Variants in SYMPK observed in about 807,000 individuals in gnomAD.
SYMPK encodes symplekin.
Under a neutral mutation model 136.4 loss-of-function variants are expected in SYMPK, and 49 were observed. That is an observed-to-expected ratio of 0.36 (90% CI 0.29 to 0.46). The LOEUF is 0.46. Ranked by LOEUF, SYMPK falls within the 20% of genes least tolerant of loss-of-function variation. The pLI is 1.00. For missense variants in SYMPK, 1,365 were observed against 1,690.0 expected (o/e 0.81, Z 3.37); for synonymous variants, 766 against 713.0 (o/e 1.07, Z -1.19).
chr19:45,835,017 G>A (rs1216706635), intron 11 of SYMPK, 61 bp downstream of exon 11: 4 of 1,427,150 alleles, frequency 2.8e-6, no homozygotes, highest in Non-Finnish European at 3.7e-6. Flanking sequence ...CTTCCAGTAA[G>A]GAGAACCCAG....
chr19:45,820,871 G>T, intron 22 of SYMPK: 1 of 505,486 alleles, frequency 2.0e-6, no homozygotes, highest in Non-Finnish European at 3.5e-6. Context: ...CAGGCCTGTA[G>T]GCGTTCAGGG....
intron 20 of SYMPK, 109 bp downstream of exon 20, chr19:45,823,263 C>T (rs1294363257): frequency 8.9e-7 from 1 of 1,124,970 alleles, no homozygotes; most frequent in Non-Finnish European, 1.3e-6. Context: ...GCCTTCTGCC[C>T]TCTGCTATGT....
At position 45,815,591 on chromosome 19, in the gene SYMPK, G is replaced by A. The variant is rs779823965; in HGVS notation, c.3794C>T (p.Ala1265Val). ...GTTCCCCTTGGCCTCGGGTTCCCTGGCGTCCTCGGCAGCCGGGCTGGGAGT... is the reference window on the plus strand; with the variant it reads ...GTTCCCCTTGGCCTCGGGTTCCCTGACGTCCTCGGCAGCCGGGCTGGGAGT... ...MKTPSPAAED[A>V]REPEAKGNS The change falls in exon 27 of 27, where the codon GCC (alanine) becomes GTC (valine). Residue 1265 changes from alanine to valine, a missense_variant. Physicochemically the swap from Ala to Val is moderately conservative, Grantham distance 64 (BLOSUM62 0). This residue lies in a region of SYMPK where 341 missense variants were observed against 270.5 expected (regional missense o/e 1.26). Coordinates refer to ENST00000245934, the MANE Select transcript of SYMPK (RefSeq NM_004819.3). 19 of 1,601,294 alleles carry A rather than the reference G, an allele frequency of 1.2e-5. No individual in the cohort carries two copies. The Admixed American group carries it at 3.1e-4, about 26-fold the overall frequency.
intron 24 of SYMPK, 42 bp from the exon 25 acceptor site, chr19:45,816,619 C>G: frequency 2.5e-6 from 4 of 1,611,238 alleles, no homozygotes; most frequent in Non-Finnish European, 3.4e-6. Context: ...GCAGCTCTGG[C>G]ACAGAGACCC....
At chr19:45,839,522 A>C (rs1261838478) in intron 9 of SYMPK, among the ~76,000 whole-genome samples, 2 of 152,142 alleles carry the variant, frequency 1.3e-5, no homozygotes, top group African/African-American at 4.8e-5. Flanking sequence ...AGAATAATAG[A>C]CTCAGGCAAC....
rs1972015783 is a variant in SYMPK at position 45,863,119 on chromosome 19, G to A, written c.-74C>T. On this transcript the variant is annotated 5_prime_UTR_variant, in exon 1 of 27. Coordinates refer to ENST00000245934, the MANE Select transcript of SYMPK (RefSeq NM_004819.3). Reference sequence around the variant, plus strand: ...GCAGTGCCTCTTCCTACACTCCGCCGCCGCCGCCGCCGCCATCTTCCGTTC... The same window carrying A: ...GCAGTGCCTCTTCCTACACTCCGCCACCGCCGCCGCCGCCATCTTCCGTTC... 5.0e-6 allele frequency: 2 copies of A among 399,174 alleles called. No individual in the cohort carries two copies. The highest frequency in any genetic ancestry group is 8.8e-6 in the Non-Finnish European group (2 of 226,308). 24.7% of individuals were successfully genotyped at this position (399,174 alleles called of 1,614,324 possible). A position where few individuals can be genotyped will look rare whatever the true frequency, so the allele number is the denominator to read the frequency against.
At chr19:45,819,324 C>T (rs1465652747) in intron 22 of SYMPK, 3 of 152,454 alleles carry the variant, frequency 2.0e-5, no homozygotes. Flanking sequence ...CCACCTCGGC[C>T]TGCGAGACTC....
intron 10 of SYMPK, among the ~76,000 whole-genome samples, chr19:45,838,055 G>A (rs1179635080): frequency 3.3e-5 from 5 of 152,058 alleles, no homozygotes; most frequent in Non-Finnish European, 7.4e-5. Context: ...TGTGGGAGGT[G>A]GGGCCTGGTC....
chr19:45,851,762 T>C (rs1400805297), intron 5 of SYMPK, among the ~76,000 whole-genome samples: 5 of 151,718 alleles, frequency 3.3e-5, no homozygotes, highest in Non-Finnish European at 7.4e-5. Context: ...TAATCCCAGC[T>C]ACTTGGGAGG....
chr19:45,844,886 T>C (rs1971524803), intron 7 of SYMPK, among the ~76,000 whole-genome samples: 1 of 152,146 alleles, frequency 6.6e-6, no homozygotes. Context: ...TATATGTTTT[T>C]AACTTAAAAA....
rs553309349 is a variant in SYMPK, at chr19:45,844,541, G to C, written c.677-341C>G. ...TACAAGAAATTAGCCCAGGTGTGAA[G>C]GCCTGTGCCTGTAATCCCAGCTACT... On this transcript the variant is annotated intron_variant, in intron 7 of 26. Transcript: ENST00000245934. Among the ~76,000 whole-genome samples, 7 of 152,164 alleles carry C rather than the reference G, an allele frequency of 4.6e-5. No homozygotes were observed. The East Asian group carries it at 9.6e-4, about 21-fold the overall frequency.
intron 20 of SYMPK, 122 bp downstream of exon 20, chr19:45,823,250 G>A: frequency 1.0e-6 from 1 of 973,782 alleles, no homozygotes; most frequent in Non-Finnish European, 1.6e-6. Context: ...CCACAGGCAA[G>A]GTGCCTTCTG....
intron 1 of SYMPK, chr19:45,862,481 C>T (rs1249210158): frequency 2.6e-5 from 4 of 152,242 alleles, no homozygotes; most frequent in African/African-American, 9.7e-5. Context: ...CAAACCTAGT[C>T]CCTACCTTCA....
intron 1 of SYMPK, among the ~76,000 whole-genome samples, chr19:45,862,844 AGGTCTGCGG>A (rs1169630800): frequency 1.3e-5 from 2 of 152,188 alleles, no homozygotes; most frequent in Admixed American, 6.5e-5. Flanking sequence ...GAAGCAAGCG[AGGTCTGCGG>A]GGCGGTGGCG....
rs914485835 is a variant in SYMPK at position 45,863,122 on chromosome 19, G to T, written c.-77C>A. The T allele has an allele frequency of 2.5e-6, 1 of 405,650 alleles. No homozygotes were observed. Among genetic ancestry groups the T allele is most frequent in the Non-Finnish European group, 4.3e-6 (1 of 230,260 alleles). The allele number at this position is 405,650 out of a possible 1,614,324, so 25.1% of individuals were successfully genotyped here. On this transcript the variant is annotated 5_prime_UTR_variant, in exon 1 of 27. Transcript: ENST00000245934. ...GTGCCTCTTCCTACACTCCGCCGCC[G>T]CCGCCGCCGCCATCTTCCGTTCGTC...
chr19:45,822,720 TG>T (rs1970936896), intron 21 of SYMPK, 35 bp downstream of exon 21: 1 of 1,587,776 alleles, frequency 6.3e-7, no homozygotes, highest in Non-Finnish European at 8.6e-7. Context: ...CTGGGGTGGG[TG>T]GGCCTCTTGG....
chr19:45,861,736 C>CA (rs34560122), intron 1 of SYMPK, among the ~76,000 whole-genome samples: 465 of 118,972 alleles, frequency 3.9e-3, no homozygotes, highest in East Asian at 0.012. Flanking sequence ...GACTCTGTCT[C>CA]AAAAAAAAAA....
At chr19:45,858,797 G>C (rs1424057666) in intron 1 of SYMPK, among the ~76,000 whole-genome samples, 1 of 151,814 alleles carries the variant, frequency 6.6e-6, no homozygotes, top group Non-Finnish European at 1.5e-5. Flanking sequence ...TTACAGGCAT[G>C]AGCCACCGCG....
chr19:45,836,501 G>A (rs897142764), intron 10 of SYMPK, among the ~76,000 whole-genome samples: 2 of 151,422 alleles, frequency 1.3e-5, no homozygotes, highest in Non-Finnish European at 2.9e-5. Context: ...CGTGGTGGCA[G>A]GCACCTGTAG....
Sources: allele counts gnomAD v4.1 joint callset (sites outside exome capture counted in the v4.1 genomes callset), GRCh38; gene constraint gnomAD v4.1.1; regional missense constraint gnomAD v4.1.1; transcripts MANE v1.5; gene names NCBI Gene and HGNC (gene_info 2026-07-23, HGNC 2026-07-21).